NRXN3: variants seen among roughly 807,000 people sequenced by gnomAD.
NRXN3 encodes the protein neurexin 3, also known as neurexin III.
NRXN3 carries 32 observed loss-of-function variants against 137.6 expected under a neutral mutation model. That is an observed-to-expected ratio of 0.23 (90% CI 0.18 to 0.31). NRXN3 has a LOEUF of 0.31. NRXN3 is among the 10% of genes least tolerant of loss of function. The probability of loss-of-function intolerance (pLI) is 1.00; values close to 1 mark genes in which losing one functional copy is unlikely to be tolerated. For synonymous variants in NRXN3, 798 were observed against 784.5 expected (o/e 1.02, Z -0.29); for missense variants, 1,574 against 2,062.5 (o/e 0.76, Z 4.59).
chr14:79,577,199 A>G (rs2097673449), intron 16 of NRXN3, among the ~76,000 whole-genome samples: 1 of 152,160 alleles, frequency 6.6e-6, no homozygotes, highest in East Asian at 1.9e-4. Context: ...TGGAACTGTG[A>G]GTCCATTAAA....
At chr14:79,552,466 G>T (rs961002418) in intron 16 of NRXN3, among the ~76,000 whole-genome samples, 25 of 152,242 alleles carry the variant, frequency 1.6e-4, no homozygotes, top group African/African-American at 5.8e-4. Context: ...GGGATGAAGG[G>T]ACTTTTAAGT....
chr14:79,763,031 C>T (rs559443504), intron 19 of NRXN3, among the ~76,000 whole-genome samples: 3 of 151,254 alleles, frequency 2.0e-5, no homozygotes, highest in East Asian at 3.9e-4. Context: ...CTCCCACCCC[C>T]TGACAGGCCC....
At chr14:78,797,615 G>A (rs1359422716) in intron 8 of NRXN3, among the ~76,000 whole-genome samples, 1 of 152,082 alleles carries the variant, frequency 6.6e-6, no homozygotes, top group African/African-American at 2.4e-5. Flanking sequence ...AAACCTAAAT[G>A]AAAAATTCAC....
At chr14:78,450,863 C>CA (rs1567627768) in intron 4 of NRXN3, among the ~76,000 whole-genome samples, 2 of 152,132 alleles carry the variant, frequency 1.3e-5, no homozygotes, top group Non-Finnish European at 2.9e-5. Flanking sequence ...CTCAGCCACA[C>CA]AGGGGCTCAG....
At chr14:79,630,915 GT>G (rs2098338104) in intron 16 of NRXN3, among the ~76,000 whole-genome samples, 1 of 152,206 alleles carries the variant, frequency 6.6e-6, no homozygotes, top group South Asian at 2.1e-4. Context: ...AAGAGAGTAA[GT>G]TCTTGTTTGG....
At chr14:78,836,924 A>C (rs1398879627) in intron 10 of NRXN3, among the ~76,000 whole-genome samples, 1 of 152,130 alleles carries the variant, frequency 6.6e-6, no homozygotes, top group East Asian at 1.9e-4. Context: ...ACTTCCTTCT[A>C]TTCTATTGAG....
intron 10 of NRXN3, among the ~76,000 whole-genome samples, chr14:78,923,770 A>G (rs1015554994): frequency 6.6e-6 from 1 of 152,210 alleles, no homozygotes; most frequent in African/African-American, 2.4e-5. Context: ...TGTATTGCTT[A>G]ATGTTCATGG....
chr14:78,445,950 TG>T (rs2153701062), intron 4 of NRXN3, among the ~76,000 whole-genome samples: 1 of 151,874 alleles, frequency 6.6e-6, no homozygotes, highest in East Asian at 1.9e-4. Context: ...TGTGGGAGAG[TG>T]GGGGTAAAGC....
intron 15 of NRXN3, among the ~76,000 whole-genome samples, chr14:79,237,255 A>C (rs1418910634): frequency 6.6e-6 from 1 of 152,180 alleles, no homozygotes; most frequent in Non-Finnish European, 1.5e-5. Flanking sequence ...AAAAAGGATC[A>C]GAGCTTGCCC....
chr14:79,353,442 C>G (rs1447037315), intron 15 of NRXN3, among the ~76,000 whole-genome samples: 1 of 152,094 alleles, frequency 6.6e-6, no homozygotes, highest in Non-Finnish European at 1.5e-5. Context: ...CCTTTCCTAT[C>G]TTCACAATGG....
intron 15 of NRXN3, among the ~76,000 whole-genome samples, chr14:79,149,556 C>T (rs1024373114): frequency 2.0e-5 from 3 of 151,906 alleles, no homozygotes; most frequent in South Asian, 2.1e-4. Flanking sequence ...GACATGCATG[C>T]GTATATTCAT....
In NRXN3 at chr14:78,208,444, C is replaced by T. The variant is rs537270759; in HGVS notation, c.-703-33947C>T. 2.0e-5 allele frequency among the ~76,000 whole-genome samples: 3 copies of T among 152,268 alleles called. No individual in the cohort carries two copies. In the East Asian group the frequency reaches 5.8e-4, roughly 29 times the overall value. Reference sequence around the variant, plus strand: ...CCCTGGATTCTTCTTCTTCACTCTTCCTTCCCACCTCTCCTCCCCCTTATA... The same window carrying T: ...CCCTGGATTCTTCTTCTTCACTCTTTCTTCCCACCTCTCCTCCCCCTTATA... On this transcript the variant is annotated intron_variant, in intron 1 of 20. Transcript: ENST00000335750.
intron 15 of NRXN3, among the ~76,000 whole-genome samples, chr14:79,248,320 T>G (rs967467928): frequency 6.6e-6 from 1 of 152,190 alleles, no homozygotes; most frequent in African/African-American, 2.4e-5. Flanking sequence ...TGACTTACAA[T>G]TTCCCACAAA....
chr14:78,540,157 A>G (rs2096574910), intron 4 of NRXN3, among the ~76,000 whole-genome samples: 1 of 152,124 alleles, frequency 6.6e-6, no homozygotes, highest in African/African-American at 2.4e-5. Context: ...AGTCCTGGAT[A>G]TCCTTGTTAA....
intron 1 of NRXN3, among the ~76,000 whole-genome samples, chr14:78,235,002 A>ATATATATATATATATATGTG (rs1555418554): frequency 0.25 from 11,388 of 45,644 alleles, 1,090 homozygotes; most frequent in Middle Eastern, 0.32. Context: ...TTTTATATAT[A>ATATATATATATATATATGTG]TATATATATA....
chr14:79,831,360 A>T (rs2099322909), intron 20 of NRXN3, among the ~76,000 whole-genome samples: 1 of 152,222 alleles, frequency 6.6e-6, no homozygotes, highest in Non-Finnish European at 1.5e-5. Flanking sequence ...ATGCAGAACT[A>T]GGTCAGATTA....
At chr14:79,078,934 G>A (rs1312050194) in intron 15 of NRXN3, among the ~76,000 whole-genome samples, 1 of 151,962 alleles carries the variant, frequency 6.6e-6, no homozygotes, top group Non-Finnish European at 1.5e-5. Context: ...GATACCAGAA[G>A]AAGATGAAAG....
At chr14:79,245,708 A>G (rs1388540400) in intron 15 of NRXN3, among the ~76,000 whole-genome samples, 1 of 152,148 alleles carries the variant, frequency 6.6e-6, no homozygotes, top group Non-Finnish European at 1.5e-5. Flanking sequence ...TTTTGTTGCA[A>G]GCACTCCTGG....
intron 1 of NRXN3, among the ~76,000 whole-genome samples, chr14:78,219,989 T>C (rs1269495727): frequency 6.6e-6 from 1 of 151,552 alleles, no homozygotes; most frequent in African/African-American, 2.4e-5. Context: ...GGAGGAGGGA[T>C]ATTGAGAAGA....
Sources: allele counts gnomAD v4.1 joint callset (sites outside exome capture counted in the v4.1 genomes callset), GRCh38; gene constraint gnomAD v4.1.1; transcripts MANE v1.5; gene names NCBI Gene and HGNC (gene_info 2026-07-23, HGNC 2026-07-21).